The following NOSIP variants were observed in gnomAD, a reference collection of about 807,000 sequenced individuals.
The protein encoded by NOSIP is nitric oxide synthase-interacting protein.
A neutral mutation model predicts 36.4 loss-of-function variants in NOSIP; 25 were observed. That is an observed-to-expected ratio of 0.69 (90% CI 0.50 to 0.96). NOSIP has a LOEUF of 0.96. Among genes scored for constraint, NOSIP ranks in the 40% least tolerant of loss-of-function variants. The pLI, the probability that NOSIP is intolerant of heterozygous loss-of-function variation, is 0.00. For synonymous variants in NOSIP, 187 were observed against 179.2 expected, an observed-to-expected ratio of 1.04 and a Z score of -0.35; for missense variants, 370 against 429.0, an observed-to-expected ratio of 0.86 and a Z score of 1.21.
rs77632193 is a variant in NOSIP, at chr19:49,579,817, T to C, written c.-2+698A>G. Among the ~76,000 whole-genome samples the C allele has an allele frequency of 6.3e-3, 960 of 152,304 alleles. 9 individuals carry two copies. The highest frequency in any genetic ancestry group is 0.022 in the African/African-American group (900 of 41,580). ...ACAGCAAGTATGGCAAAAATAATCA[T>C]TGGTGATTTGGGTGACAGGAATTCC... On this transcript the variant is annotated intron_variant, in intron 1 of 8. Transcript: ENST00000596358.
chr19:49,575,731 T>C (rs67179000), intron 1 of NOSIP, among the ~76,000 whole-genome samples: 16,207 of 152,232 alleles, frequency 0.11, 1,086 homozygotes, highest in African/African-American at 0.18. Context: ...CAAACGGGCA[T>C]GGCTGTGTTC....
At chr19:49,570,986 GT>G (rs909191431) in intron 1 of NOSIP, among the ~76,000 whole-genome samples, 125 of 151,442 alleles carry the variant, frequency 8.3e-4, no homozygotes, top group African/African-American at 2.9e-3. Flanking sequence ...AATTTAATTT[GT>G]TTTTTTTGAG....
rs564523585 is a variant in NOSIP, at chr19:49,575,816, G to T, written c.-2+4699C>A. Among the ~76,000 whole-genome samples, 11 of 152,228 alleles carry T rather than the reference G, an allele frequency of 7.2e-5. No individual in the cohort carries two copies. In the East Asian group the frequency reaches 1.9e-3, roughly 27 times the overall value. On this transcript the variant is annotated intron_variant, in intron 1 of 8. Transcript: ENST00000596358. ...ATAGGTCACCAAATTCATTCTTTTG[G>T]TTTTTTCCAGTTATGTAAAAACGTT...
chr19:49,560,570 G>C lies in NOSIP; in HGVS notation c.70+52C>G, dbSNP rs1471442878. 13 of 1,420,718 alleles carry C rather than the reference G, an allele frequency of 9.2e-6. No individual in the cohort carries two copies. The highest frequency in any genetic ancestry group is 1.4e-5 in the African/African-American group (1 of 70,564). 88.0% of individuals were successfully genotyped at this position (1,420,718 alleles called of 1,614,324 possible). On this transcript the variant is annotated intron_variant, in intron 2 of 8. Coordinates refer to ENST00000596358, the MANE Select transcript of NOSIP (RefSeq NM_001270960.2). The surrounding 1 kb of genome is among the most constrained non-coding windows in gnomAD (Gnocchi z 4.6). ...CAAAACCTGGGGCACGAGGGGAGAGGGTGACTCCAAGACACAGCCATGTCC... is the reference window on the plus strand; with the variant it reads ...CAAAACCTGGGGCACGAGGGGAGAGCGTGACTCCAAGACACAGCCATGTCC...
Position 49,560,008 on chromosome 19 carries a change from T to G in NOSIP, c.102A>C (p.Arg34=). ...AASGYGTQNI[R]LSRDAVKDFD... is the part of the protein sequence containing the mutation. ...AGTCCTTCACGGCATCCCGGCTCAG[T>G]CGAATGTTCTGGGTCCCATAGCCCG... The change falls in exon 3 of 9, where the codon CGA becomes CGC. Residue 34 remains arginine, a synonymous_variant. Coordinates refer to ENST00000596358, the MANE Select transcript of NOSIP (RefSeq NM_001270960.2). This position sits in a 1 kb window ranked among gnomAD's most constrained non-coding sequence, Gnocchi z 4.6. 1.2e-6 allele frequency: 2 copies of G among 1,613,684 alleles called. No individual in the cohort carries two copies. The highest frequency in any genetic ancestry group is 2.2e-5 in the South Asian group (2 of 91,034).
At chr19:49,563,091 A>T (rs1203825771) in intron 1 of NOSIP, among the ~76,000 whole-genome samples, 1 of 152,182 alleles carries the variant, frequency 6.6e-6, no homozygotes, top group Non-Finnish European at 1.5e-5. Flanking sequence ...GCAGAAAATT[A>T]TACATGTCCT....
intron 3 of NOSIP, chr19:49,559,315 G>A (rs925907573): frequency 1.3e-5 from 3 of 230,158 alleles, no homozygotes; most frequent in East Asian, 1.0e-4. Flanking sequence ...CCACGAGTTC[G>A]AGACCAGCCT....
chr19:49,564,685 C>T (rs528843802), intron 1 of NOSIP, among the ~76,000 whole-genome samples: 2 of 152,134 alleles, frequency 1.3e-5, no homozygotes, highest in South Asian at 4.1e-4. Context: ...TCGTCTCCCA[C>T]GTATACACCT....
In NOSIP at chr19:49,555,695, T is replaced by C. The variant is rs776603339; in HGVS notation, c.*56A>G. On this transcript the variant is annotated 3_prime_UTR_variant, in exon 9 of 9. Coordinates refer to ENST00000596358, the MANE Select transcript of NOSIP (RefSeq NM_001270960.2). ...GTCCCCGGGGCGCCCACGCCGCGAATGAAGGCGCCACGTCGTTGCGCACCC... is the reference window on the plus strand; with the variant it reads ...GTCCCCGGGGCGCCCACGCCGCGAACGAAGGCGCCACGTCGTTGCGCACCC... The C allele has an allele frequency of 6.7e-7, 1 of 1,499,332 alleles. No homozygotes were observed. Among genetic ancestry groups the C allele is most frequent in the South Asian group, 1.1e-5 (1 of 88,176 alleles). The allele number at this position is 1,499,332 out of a possible 1,614,324, so 92.9% of individuals were successfully genotyped here. A position where few individuals can be genotyped will look rare whatever the true frequency, so the allele number is the denominator to read the frequency against.
At chr19:49,557,569 G>A (rs2080271804) in intron 4 of NOSIP, 2 of 1,221,306 alleles carry the variant, frequency 1.6e-6, no homozygotes, top group Non-Finnish European at 2.1e-6. Context: ...TACATAAGGT[G>A]AGTGTTTACA....
intron 1 of NOSIP, among the ~76,000 whole-genome samples, chr19:49,573,389 C>T (rs1057332945): frequency 1.2e-4 from 18 of 152,162 alleles, no homozygotes; most frequent in Non-Finnish European, 7.4e-5. Context: ...TGCACTTGAC[C>T]GTGCCCTGAG....
chr19:49,577,472 G>A (rs948100140), intron 1 of NOSIP, among the ~76,000 whole-genome samples: 1 of 151,908 alleles, frequency 6.6e-6, no homozygotes, highest in Non-Finnish European at 1.5e-5. Context: ...CAGGAGAGTC[G>A]CTCAAACCTG....
At chr19:49,563,275 A>G (rs2080359632) in intron 1 of NOSIP, among the ~76,000 whole-genome samples, 1 of 151,832 alleles carries the variant, frequency 6.6e-6, no homozygotes, top group Admixed American at 6.6e-5. Context: ...TCCTGGGCTC[A>G]AGTGATTCTC....
chr19:49,560,010 G>T lies in NOSIP; in HGVS notation c.100C>A (p.Arg34=). 1.9e-6 allele frequency: 3 copies of T among 1,613,820 alleles called. No individual in the cohort carries two copies. Among genetic ancestry groups the T allele is most frequent in the Non-Finnish European group, 2.5e-6 (3 of 1,179,812 alleles). The change falls in exon 3 of 9, where the codon CGA becomes AGA. Residue 34 remains arginine, a synonymous_variant. Transcript: ENST00000596358. This position sits in a 1 kb window ranked among gnomAD's most constrained non-coding sequence, Gnocchi z 4.6. ...TCCTTCACGGCATCCCGGCTCAGTC[G>T]AATGTTCTGGGTCCCATAGCCCGAG... is the stretch of plus-strand genomic sequence containing the variant. ...AASGYGTQNI[R]LSRDAVKDFD...
At chr19:49,568,803 TTTG>T (rs2080445609) in intron 1 of NOSIP, among the ~76,000 whole-genome samples, 2 of 121,826 alleles carry the variant, frequency 1.6e-5, no homozygotes, top group African/African-American at 9.4e-5. Flanking sequence ...AAATAGTTTG[TTTG>T]TTTGTTTTTT....
At chr19:49,558,685 G>C in intron 4 of NOSIP, 1 of 618,678 alleles carries the variant, frequency 1.6e-6, no homozygotes, top group Non-Finnish European at 2.9e-6. Context: ...TAAGAGAAGA[G>C]GTGACTGGGG....
intron 1 of NOSIP, among the ~76,000 whole-genome samples, chr19:49,572,003 A>G (rs1447977760): frequency 6.6e-6 from 1 of 150,848 alleles, no homozygotes; most frequent in Non-Finnish European, 1.5e-5. Flanking sequence ...AAAAAAAAAA[A>G]GCCAATCCAT....
chr19:49,573,715 T>A (rs1370242423), intron 1 of NOSIP, among the ~76,000 whole-genome samples: 1 of 152,174 alleles, frequency 6.6e-6, no homozygotes, highest in Non-Finnish European at 1.5e-5. Context: ...TCAGACCTTG[T>A]GGGAAGCACT....
Position 49,573,414 on chromosome 19 carries a change from GCCCGT to G in NOSIP, c.-2+7096_-2+7100del, listed in dbSNP as rs1369727946. The stretch of plus-strand genomic sequence containing the variant: ...CGTGCCCTGAGCTACCTCCGTTACA[GCCCGT>G]CCCTCGGTATTTCGGCTCCAGAGTA... On this transcript the variant is annotated intron_variant, in intron 1 of 8. Coordinates refer to ENST00000596358, the MANE Select transcript of NOSIP (RefSeq NM_001270960.2). 2.6e-5 allele frequency among the ~76,000 whole-genome samples: 4 copies of G among 152,296 alleles called. No individual in the cohort carries two copies. In the East Asian group the frequency reaches 7.7e-4, roughly 29 times the overall value.
Sources: allele counts gnomAD v4.1 joint callset (sites outside exome capture counted in the v4.1 genomes callset), GRCh38; gene constraint gnomAD v4.1.1; non-coding constraint Gnocchi (gnomAD v3.1); transcripts MANE v1.5; gene names NCBI Gene and HGNC (gene_info 2026-07-23, HGNC 2026-07-21).